Variants in GSAP observed in about 807,000 individuals in gnomAD.
GSAP encodes gamma-secretase-activating protein.
A neutral mutation model predicts 131.7 loss-of-function variants in GSAP; 118 were observed. That is an observed-to-expected ratio of 0.90 (90% CI 0.77 to 1.04). GSAP has a LOEUF of 1.04. GSAP is among the 50% of genes least tolerant of loss of function. The pLI, the probability that GSAP is intolerant of heterozygous loss-of-function variation, is 0.00. For missense variants in GSAP, 1,019 were observed against 1,013.2 expected (o/e 1.01, Z -0.08); for synonymous variants, 381 against 363.4 (o/e 1.05, Z -0.55).
At chr7:77,344,872 A>G (rs1791558595) in intron 19 of GSAP, among the ~76,000 whole-genome samples, 2 of 152,094 alleles carry the variant, frequency 1.3e-5, no homozygotes, top group African/African-American at 2.4e-5. Context: ...TTAACAAACA[A>G]TTGCTGGCTT....
At chr7:77,384,474 G>GT (rs1798255536) in intron 6 of GSAP, among the ~76,000 whole-genome samples, 1 of 152,106 alleles carries the variant, frequency 6.6e-6, no homozygotes, top group African/African-American at 2.4e-5. Context: ...TTTTTGTATT[G>GT]TAAGTAGGAT....
intron 1 of GSAP, among the ~76,000 whole-genome samples, 194 bp downstream of exon 1, chr7:77,416,019 C>CT (rs1157662156): frequency 6.6e-6 from 1 of 152,222 alleles, no homozygotes; most frequent in African/African-American, 2.4e-5. Flanking sequence ...CCGGGCTCTG[C>CT]CCCCAGACCT....
chr7:77,391,813 C>A (rs1306423541), intron 5 of GSAP, among the ~76,000 whole-genome samples: 1 of 152,106 alleles, frequency 6.6e-6, no homozygotes, highest in Admixed American at 6.6e-5. Flanking sequence ...CCAGCTTGGG[C>A]AACAGAGCAA....
chr7:77,347,178 T>C (rs1236294436), intron 19 of GSAP, among the ~76,000 whole-genome samples: 10 of 152,104 alleles, frequency 6.6e-5, no homozygotes. Context: ...CTTCATCTGT[T>C]TCCTTTGCAA....
chr7:77,386,445 G>A (rs1013227112), intron 6 of GSAP, among the ~76,000 whole-genome samples: 1 of 152,126 alleles, frequency 6.6e-6, no homozygotes, highest in Non-Finnish European at 1.5e-5. Context: ...CCCAAACAAG[G>A]ATAAATTCTT....
chr7:77,366,449 A>G (rs1584517415), intron 12 of GSAP, among the ~76,000 whole-genome samples: 1 of 152,278 alleles, frequency 6.6e-6, no homozygotes, highest in South Asian at 2.1e-4. Flanking sequence ...CAATTTCTAT[A>G]TATGGCTAGC....
At chr7:77,416,129 T>TGCTCCCCACCGGGTC in intron 1 of GSAP, 84 bp downstream of exon 1, 2 of 748,996 alleles carry the variant, frequency 2.7e-6, no homozygotes, top group Non-Finnish European at 3.9e-6. Flanking sequence ...CGCCCCGGGT[T>TGCTCCCCACCGGGTC]GCTCCCCACC....
chr7:77,379,511 C>T (rs1797473833), intron 8 of GSAP, among the ~76,000 whole-genome samples: 1 of 152,042 alleles, frequency 6.6e-6, no homozygotes, highest in Admixed American at 6.5e-5. Context: ...TCCTGAATTG[C>T]AGAATCTTTT....
chr7:77,377,509 AG>A, intron 8 of GSAP, 119 bp from the exon 9 acceptor site: 1 of 1,241,252 alleles, frequency 8.1e-7, no homozygotes, highest in South Asian at 2.1e-5. Flanking sequence ...ATATTTCCAC[AG>A]TTCACTGTTA....
Position 77,328,522 on chromosome 7 carries a change from C to T in GSAP, c.1765+84G>A, listed in dbSNP as rs886081199. The T allele has an allele frequency of 1.0e-5, 16 of 1,543,568 alleles. No individual in the cohort carries two copies. The Admixed American group carries it at 3.3e-4, about 32-fold the overall frequency. Reference sequence around the variant, plus strand: ...CACACTACTGGAAGTGATTCTCTTGCCAACCCACAGTGGTAGGAAGAACAG... The same window carrying T: ...CACACTACTGGAAGTGATTCTCTTGTCAACCCACAGTGGTAGGAAGAACAG... On this transcript the variant is annotated intron_variant, in intron 22 of 30. Transcript: ENST00000257626.
intron 5 of GSAP, among the ~76,000 whole-genome samples, chr7:77,391,314 CCAGA>C (rs1198506489): frequency 6.6e-6 from 1 of 151,892 alleles, no homozygotes; most frequent in African/African-American, 2.4e-5. Flanking sequence ...CAAGTACAAC[CCAGA>C]CATTTGACTA....
At chr7:77,408,363 T>C (rs1300107240) in intron 1 of GSAP, among the ~76,000 whole-genome samples, 1 of 152,220 alleles carries the variant, frequency 6.6e-6, no homozygotes, top group Non-Finnish European at 1.5e-5. Context: ...TAATTATCAC[T>C]AATTGGGCAG....
chr7:77,374,214 A>G, intron 11 of GSAP, 59 bp from the exon 12 acceptor site: 6 of 825,074 alleles, frequency 7.3e-6, no homozygotes, highest in Non-Finnish European at 1.2e-5. Flanking sequence ...CCCTTCATAA[A>G]GGATGTGAGT....
intron 3 of GSAP, among the ~76,000 whole-genome samples, chr7:77,398,078 G>A (rs1800731827): frequency 1.3e-5 from 2 of 152,176 alleles, no homozygotes; most frequent in Admixed American, 6.6e-5. Flanking sequence ...GCAGGAGGAT[G>A]TGATGTAGAG....
chr7:77,405,651 C>T (rs111291266), intron 2 of GSAP, among the ~76,000 whole-genome samples: 5,793 of 152,282 alleles, frequency 0.038, 182 homozygotes, highest in Non-Finnish European at 0.057. Flanking sequence ...GATTCTCCTG[C>T]CTCAGCCTCC....
chr7:77,352,827 A>G (rs562180322), intron 18 of GSAP, 117 bp downstream of exon 18: 1 of 591,100 alleles, frequency 1.7e-6, no homozygotes, highest in East Asian at 2.7e-5. Context: ...TGAGTTCTTT[A>G]TCAGTCAAAA....
chr7:77,355,811 C>T lies in GSAP; in HGVS notation c.1028-164G>A, dbSNP rs369642040. ...CGTTTTTTTTTTTTTTTTTTTAAGACAGGGTCTGACTCTGTCACCCAGGCT... is the reference window on the plus strand; with the variant it reads ...CGTTTTTTTTTTTTTTTTTTTAAGATAGGGTCTGACTCTGTCACCCAGGCT... On this transcript the variant is annotated intron_variant, in intron 14 of 30. Transcript: ENST00000257626. 2.0e-3 allele frequency among the ~76,000 whole-genome samples: 134 copies of T among 66,860 alleles called. 1 individual carries two copies. Among genetic ancestry groups the T allele is most frequent in the African/African-American group, 0.014 (122 of 8,984 alleles). 43.9% of individuals were successfully genotyped at this position (66,860 alleles called of 152,430 possible).
intron 14 of GSAP, among the ~76,000 whole-genome samples, chr7:77,359,424 T>C (rs1794226016): frequency 6.6e-6 from 1 of 152,156 alleles, no homozygotes; most frequent in Admixed American, 6.5e-5. Context: ...CATATCTTTC[T>C]TACATAGAAG....
chr7:77,311,476 GA>G, intron 30 of GSAP, 27 bp from the exon 31 acceptor site: 20 of 1,224,754 alleles, frequency 1.6e-5, no homozygotes, highest in Non-Finnish European at 2.1e-5. Flanking sequence ...AGAGGGCAGG[GA>G]AAAAGGGTTA....
Sources: gnomAD v4.1 joint callset for allele counts (sites outside exome capture counted in the v4.1 genomes callset) on GRCh38, gnomAD v4.1.1 for gene constraint, MANE v1.5 for transcripts, NCBI Gene and HGNC (gene_info 2026-07-23, HGNC 2026-07-21) for gene names.